RSU1: variants seen among roughly 807,000 people sequenced by gnomAD.
RSU1 encodes rsu-1.
In RSU1, 26 loss-of-function variants were observed where a neutral mutation model predicts 31.1. The ratio of observed to expected loss-of-function variants is 0.84; its 90% CI spans 0.61 to 1.16. RSU1 has a LOEUF of 1.16. RSU1 is among the 50% of genes most tolerant of loss of function. The pLI, the probability that RSU1 is intolerant of heterozygous loss-of-function variation, is 0.00. For synonymous variants in RSU1, 164 were observed against 136.3 expected, an observed-to-expected ratio of 1.20 and a Z score of -1.41; for missense variants, 320 against 339.1, an observed-to-expected ratio of 0.94 and a Z score of 0.44.
At chr10:16,620,661 C>T (rs1417161188) in intron 8 of RSU1, among the ~76,000 whole-genome samples, 2 of 151,654 alleles carry the variant, frequency 1.3e-5, no homozygotes, top group Non-Finnish European at 2.9e-5. Context: ...ATGGCTAACA[C>T]GGTGAAACCC....
intron 2 of RSU1, among the ~76,000 whole-genome samples, chr10:16,798,415 G>A (rs1017116361): frequency 6.6e-6 from 1 of 152,152 alleles, no homozygotes; most frequent in African/African-American, 2.4e-5. Context: ...GAGAGACCGG[G>A]TGGAGATAAC....
At chr10:16,754,422 G>A (rs1837040788) in intron 5 of RSU1, among the ~76,000 whole-genome samples, 1 of 152,180 alleles carries the variant, frequency 6.6e-6, no homozygotes, top group Non-Finnish European at 1.5e-5. Flanking sequence ...CTCAAAATAG[G>A]AATACTGGCT....
At position 16,667,597 on chromosome 10, in the gene RSU1, C is replaced by T. The variant is rs182312952; in HGVS notation, c.731+27426G>A. On this transcript the variant is annotated intron_variant, in intron 8 of 8. Coordinates refer to ENST00000345264, the MANE Select transcript of RSU1 (RefSeq NM_012425.4). ...TTGCTTCCTGGGTTCAAGTGATTCTCGTGCCTCAGCCTCCCAAGTAGCTGG... is the reference window on the plus strand; with the variant it reads ...TTGCTTCCTGGGTTCAAGTGATTCTTGTGCCTCAGCCTCCCAAGTAGCTGG... Among the ~76,000 whole-genome samples, 236 of 151,978 alleles carry T rather than the reference C, an allele frequency of 1.6e-3. 2 individuals carry two copies. Among genetic ancestry groups the T allele is most frequent in the African/African-American group, 5.7e-3 (235 of 41,452 alleles).
intron 4 of RSU1, among the ~76,000 whole-genome samples, chr10:16,755,605 G>A (rs1357604465): frequency 1.3e-5 from 2 of 151,908 alleles, no homozygotes; most frequent in African/African-American, 4.8e-5. Context: ...CTTTTGTGGT[G>A]AGACTGCTTA....
At chr10:16,800,156 T>C (rs927998900) in intron 2 of RSU1, among the ~76,000 whole-genome samples, 1 of 152,148 alleles carries the variant, frequency 6.6e-6, no homozygotes, top group African/African-American at 2.4e-5. Flanking sequence ...TTTACCTCAG[T>C]TCCTTTTACC....
chr10:16,621,145 C>CA (rs1834061939), intron 8 of RSU1, among the ~76,000 whole-genome samples: 1 of 152,156 alleles, frequency 6.6e-6, no homozygotes, highest in African/African-American at 2.4e-5. Context: ...GGATATTTGG[C>CA]AATGTCTAGG....
intron 8 of RSU1, among the ~76,000 whole-genome samples, chr10:16,635,912 G>A (rs1297662314): frequency 6.6e-6 from 1 of 152,142 alleles, no homozygotes; most frequent in Non-Finnish European, 1.5e-5. Context: ...GTCATCAACA[G>A]CAGTGGGCAA....
At chr10:16,701,469 C>T (rs1318955339) in intron 7 of RSU1, among the ~76,000 whole-genome samples, 4 of 152,172 alleles carry the variant, frequency 2.6e-5, no homozygotes, top group South Asian at 2.1e-4. Context: ...ACTGTCATTC[C>T]GGCAACTGTC....
intron 2 of RSU1, among the ~76,000 whole-genome samples, chr10:16,809,016 C>T (rs367631502): frequency 3.3e-4 from 50 of 152,214 alleles, no homozygotes; most frequent in African/African-American, 1.0e-3. Context: ...CCTCCAGGAC[C>T]GTGGGAAATA....
At chr10:16,639,694 A>C (rs904230208) in intron 8 of RSU1, among the ~76,000 whole-genome samples, 1 of 152,212 alleles carries the variant, frequency 6.6e-6, no homozygotes, top group Non-Finnish European at 1.5e-5. Context: ...TCTGCAGCCA[A>C]ATCACCAGGG....
intron 7 of RSU1, among the ~76,000 whole-genome samples, chr10:16,724,700 T>A (rs968115559): frequency 3.3e-5 from 5 of 152,184 alleles, no homozygotes; most frequent in Non-Finnish European, 4.4e-5. Flanking sequence ...TGCTCACTCA[T>A]CAACCCACTG....
chr10:16,665,897 A>T (rs1834980266), intron 8 of RSU1, among the ~76,000 whole-genome samples: 1 of 152,234 alleles, frequency 6.6e-6, no homozygotes, highest in South Asian at 2.1e-4. Flanking sequence ...GCTGCTATGC[A>T]GTTATGAATA....
intron 7 of RSU1, among the ~76,000 whole-genome samples, chr10:16,709,594 T>C (rs1232857640): frequency 6.6e-6 from 1 of 152,230 alleles, no homozygotes; most frequent in Non-Finnish European, 1.5e-5. Flanking sequence ...ATAGTTGAAC[T>C]AGTTTACAGT....
intron 7 of RSU1, among the ~76,000 whole-genome samples, chr10:16,710,054 T>C (rs1835985947): frequency 6.6e-6 from 1 of 152,192 alleles, no homozygotes. Flanking sequence ...TCCAGTACTA[T>C]GTTGAACAGA....
intron 8 of RSU1, among the ~76,000 whole-genome samples, chr10:16,688,595 C>T (rs1476719695): frequency 6.6e-6 from 1 of 151,950 alleles, no homozygotes; most frequent in African/African-American, 2.4e-5. Flanking sequence ...GGCGACAGAG[C>T]GAGACTCCGT....
chr10:16,687,790 G>T (rs968305528), intron 8 of RSU1, among the ~76,000 whole-genome samples: 9 of 152,016 alleles, frequency 5.9e-5, no homozygotes. Context: ...TGTGATCTTG[G>T]CTCATTGCAA....
At position 16,810,874 on chromosome 10, in the gene RSU1, T is replaced by C. The variant is rs369018040; in HGVS notation, c.109+6099A>G. Among the ~76,000 whole-genome samples, 4 of 151,976 alleles carry C rather than the reference T, an allele frequency of 2.6e-5. No individual in the cohort carries two copies. In the South Asian group the frequency reaches 6.2e-4, roughly 24 times the overall value. ...CCATCTCTATAAAAATTACAAAAAT[T>C]TGCCGGCAGTGGTGGCATGTGCCTG... On this transcript the variant is annotated intron_variant, in intron 2 of 8. Transcript: ENST00000345264.
chr10:16,650,594 T>TTTTG (rs1187780860), intron 8 of RSU1, among the ~76,000 whole-genome samples: 33 of 149,954 alleles, frequency 2.2e-4, no homozygotes, highest in African/African-American at 7.7e-4. Context: ...TTTTTTTTTT[T>TTTTG]TGTGAGACAG....
intron 8 of RSU1, among the ~76,000 whole-genome samples, chr10:16,672,641 T>C (rs1360365235): frequency 6.6e-6 from 1 of 151,976 alleles, no homozygotes; most frequent in African/African-American, 2.4e-5. Flanking sequence ...GTACACATTA[T>C]ATGTCTATAT....
Sources: gnomAD v4.1 joint callset for allele counts (sites outside exome capture counted in the v4.1 genomes callset) on GRCh38, gnomAD v4.1.1 for gene constraint, MANE v1.5 for transcripts, NCBI Gene and HGNC (gene_info 2026-07-23, HGNC 2026-07-21) for gene names.